Variants in PRMT8 observed in about 807,000 individuals in gnomAD.
PRMT8 encodes the protein protein arginine methyltransferase 8.
PRMT8 carries 7 observed loss-of-function variants against 47.1 expected under a neutral mutation model. The observed-to-expected ratio is 0.15, with a 90% confidence interval of 0.08 to 0.28. The LOEUF (loss-of-function observed/expected upper bound fraction) is 0.28. Ranked by LOEUF, PRMT8 falls within the 10% of genes least tolerant of loss-of-function variation. The pLI, the probability that PRMT8 is intolerant of heterozygous loss-of-function variation, is 1.00. For missense variants in PRMT8, 237 were observed against 505.4 expected (o/e 0.47, Z 5.09); for synonymous variants, 188 against 186.5 (o/e 1.01, Z -0.07).
chr12:3,574,264 C>T (rs1866900147), intron 6 of PRMT8, among the ~76,000 whole-genome samples: 1 of 152,212 alleles, frequency 6.6e-6, no homozygotes, highest in Non-Finnish European at 1.5e-5. Context: ...GGCCATGAGA[C>T]ATTAAGATCA....
chr12:3,437,645 T>C (rs181859371), intron 1 of PRMT8, among the ~76,000 whole-genome samples: 2 of 140,706 alleles, frequency 1.4e-5, no homozygotes, highest in South Asian at 2.3e-4. Context: ...TATATATATA[T>C]ATATATTGCA....
intron 1 of PRMT8, among the ~76,000 whole-genome samples, chr12:3,438,847 G>A (rs1042930941): frequency 3.3e-5 from 5 of 152,024 alleles, no homozygotes; most frequent in African/African-American, 1.2e-4. Flanking sequence ...TGGGATTCAG[G>A]GATTACTTTC....
Position 3,586,002 on chromosome 12 carries a change from C to G in PRMT8, c.979+2794C>G, listed in dbSNP as rs1050940779. ...CACCAGGATGATGTCTAACCCAGAG[C>G]CTGCCCTGCTGATGAGAAAGTCCAT... On this transcript the variant is annotated intron_variant, in intron 8 of 9. Transcript: ENST00000382622. 2.6e-5 allele frequency among the ~76,000 whole-genome samples: 4 copies of G among 152,122 alleles called. No homozygotes were observed. The East Asian group carries it at 7.7e-4, about 29-fold the overall frequency.
chr12:3,458,474 C>G (rs1195197474), intron 1 of PRMT8, among the ~76,000 whole-genome samples: 1 of 152,216 alleles, frequency 6.6e-6, no homozygotes, highest in African/African-American at 2.4e-5. Context: ...CACCAGCCTG[C>G]CAGGGCCACG....
chr12:3,578,442 T>G (rs1866990360), intron 7 of PRMT8, among the ~76,000 whole-genome samples: 2 of 152,022 alleles, frequency 1.3e-5, no homozygotes, highest in South Asian at 4.1e-4. Context: ...CAGGCTGGTC[T>G]CAAACTCCTG....
chr12:3,393,536 T>C (rs1474514582), intron 1 of PRMT8, among the ~76,000 whole-genome samples: 8 of 152,320 alleles, frequency 5.3e-5, no homozygotes, highest in African/African-American at 1.9e-4. Flanking sequence ...ACATGTGGTG[T>C]TATTTCTGAG....
chr12:3,485,150 G>C (rs987711681), intron 1 of PRMT8, among the ~76,000 whole-genome samples: 1 of 152,176 alleles, frequency 6.6e-6, no homozygotes, highest in Admixed American at 6.5e-5. Context: ...TCCATGCTCT[G>C]TTGCCCAGCA....
At position 3,453,620 on chromosome 12, in the gene PRMT8, G is replaced by A. The variant is rs1165868721; in HGVS notation, c.48+72178G>A. 2.0e-5 allele frequency among the ~76,000 whole-genome samples: 3 copies of A among 152,194 alleles called. No homozygotes were observed. Among genetic ancestry groups the A allele is most frequent in the African/African-American group, 7.2e-5 (3 of 41,450 alleles). ...AGGTGTCTGGGTCAGGAACTGGTGAGCGCGGTCAGGGGACACCCTTAGGAG... is the reference window on the plus strand; with the variant it reads ...AGGTGTCTGGGTCAGGAACTGGTGAACGCGGTCAGGGGACACCCTTAGGAG... On this transcript the variant is annotated intron_variant, in intron 1 of 9. Coordinates refer to the PRMT8 transcript ENST00000452611. The surrounding 1 kb of genome is among the most constrained non-coding windows in gnomAD (Gnocchi z 4.9).
chr12:3,533,227 G>A (rs1240024770), intron 1 of PRMT8, among the ~76,000 whole-genome samples: 24 of 152,090 alleles, frequency 1.6e-4, no homozygotes, highest in African/African-American at 4.8e-5. Context: ...CTGTGCCTAC[G>A]AAGCCAAGTC....
chr12:3,538,620 A>G lies in PRMT8; in HGVS notation c.76-1986A>G. 1.9e-6 allele frequency: 1 copy of G among 519,026 alleles called. No homozygotes were observed. Among genetic ancestry groups the G allele is most frequent in the Non-Finnish European group, 3.8e-6 (1 of 259,874 alleles). 32.2% of individuals were successfully genotyped at this position (519,026 alleles called of 1,614,324 possible). ...CTTGACCATGCACAATGCCCAGACC[A>G]GCTCCGACTTTTTCCTCTCCTTCAC... On this transcript the variant is annotated intron_variant, in intron 1 of 9. Coordinates refer to ENST00000382622, the MANE Select transcript of PRMT8 (RefSeq NM_019854.5). This position sits in a 1 kb window ranked among gnomAD's most constrained non-coding sequence, Gnocchi z 4.6.
intron 1 of PRMT8, among the ~76,000 whole-genome samples, chr12:3,531,028 G>A (rs1005471394): frequency 6.6e-6 from 1 of 152,224 alleles, no homozygotes; most frequent in Non-Finnish European, 1.5e-5. Context: ...GTTTCTGGCT[G>A]TGTGCCTACG....
At chr12:3,588,439 C>A (rs1867229961) in intron 8 of PRMT8, among the ~76,000 whole-genome samples, 1 of 152,224 alleles carries the variant, frequency 6.6e-6, no homozygotes, top group Admixed American at 6.5e-5. Context: ...AGGCCAGTCC[C>A]TGCCATTTGT....
chr12:3,384,662 ATCTT>A (rs1416824639), intron 1 of PRMT8, among the ~76,000 whole-genome samples: 1 of 151,876 alleles, frequency 6.6e-6, no homozygotes, highest in Non-Finnish European at 1.5e-5. Flanking sequence ...CACAAGGAAA[ATCTT>A]TCTCAGAATC....
At chr12:3,510,580 C>T (rs7962552) in intron 1 of PRMT8, among the ~76,000 whole-genome samples, 1 of 151,886 alleles carries the variant, frequency 6.6e-6, no homozygotes, top group African/African-American at 2.4e-5. Context: ...AAAAATAGAT[C>T]AAAATAAGTT....
In PRMT8 at chr12:3,466,239, G is replaced by A. The variant is rs142434027; in HGVS notation, c.49-74367G>A. Among the ~76,000 whole-genome samples the A allele has an allele frequency of 1.4e-3, 208 of 152,340 alleles. 1 individual carries two copies. Among genetic ancestry groups the A allele is most frequent in the African/African-American group, 4.7e-3 (194 of 41,574 alleles). Reference sequence around the variant, plus strand: ...ATCTGTAAACTGAGAGGTGAGACCGGATGGTGCTGACATCCTGTGGGCTCG... The same window carrying A: ...ATCTGTAAACTGAGAGGTGAGACCGAATGGTGCTGACATCCTGTGGGCTCG... On this transcript the variant is annotated intron_variant, in intron 1 of 9. Coordinates refer to the PRMT8 transcript ENST00000452611.
intron 1 of PRMT8, among the ~76,000 whole-genome samples, chr12:3,403,996 T>A: frequency 6.6e-6 from 1 of 152,060 alleles, no homozygotes; most frequent in East Asian, 1.9e-4. Flanking sequence ...ATATGAAATA[T>A]TTTCTATAGA....
intron 1 of PRMT8, among the ~76,000 whole-genome samples, chr12:3,525,012 A>G (rs1341729941): frequency 2.0e-5 from 3 of 152,210 alleles, no homozygotes; most frequent in African/African-American, 7.2e-5. Flanking sequence ...CACCTGAGGT[A>G]GGAGTTCGAC....
In PRMT8 at chr12:3,493,484, C is replaced by T. The variant is rs1865456376; in HGVS notation, c.75+1784C>T. On this transcript the variant is annotated intron_variant, in intron 1 of 9. Coordinates refer to ENST00000382622, the MANE Select transcript of PRMT8 (RefSeq NM_019854.5). The surrounding 1 kb of genome is among the most constrained non-coding windows in gnomAD (Gnocchi z 8.2). ...TCCTCCCTGCATTTCCACCTCACCCCACCCCCGGCTCATTTTTCTAAGAAA... is the reference window on the plus strand; with the variant it reads ...TCCTCCCTGCATTTCCACCTCACCCTACCCCCGGCTCATTTTTCTAAGAAA... 6.6e-6 allele frequency among the ~76,000 whole-genome samples: 1 copy of T among 152,214 alleles called. No individual in the cohort carries two copies. Among genetic ancestry groups the T allele is most frequent in the South Asian group, 2.1e-4 (1 of 4,830 alleles).
At chr12:3,521,232 A>G (rs546615145) in intron 1 of PRMT8, among the ~76,000 whole-genome samples, 102 of 152,290 alleles carry the variant, frequency 6.7e-4, no homozygotes, top group African/African-American at 2.3e-3. Context: ...CACTCTGCAT[A>G]AGGGAAGTCA....
Sources: gnomAD v4.1 joint callset for allele counts (sites outside exome capture counted in the v4.1 genomes callset) on GRCh38, gnomAD v4.1.1 for gene constraint, Gnocchi (gnomAD v3.1) non-coding constraint, MANE v1.5 for transcripts, NCBI Gene and HGNC (gene_info 2026-07-23, HGNC 2026-07-21) for gene names.